Variants in MACROD2 observed in about 807,000 individuals in gnomAD.
MACROD2 encodes ADP-ribose glycohydrolase MACROD2.
MACROD2 carries 36 observed loss-of-function variants against 70.4 expected under a neutral mutation model. The observed-to-expected ratio is 0.51, with a 90% confidence interval of 0.39 to 0.68. MACROD2 has a LOEUF of 0.68. MACROD2 is among the 30% of genes least tolerant of loss of function. MACROD2 has a pLI of 0.00. For missense variants in MACROD2, 496 were observed against 538.4 expected, an observed-to-expected ratio of 0.92 and a Z score of 0.78; for synonymous variants, 172 against 178.8, an observed-to-expected ratio of 0.96 and a Z score of 0.30.
chr20:14,445,197 A>G (rs2084170203), intron 3 of MACROD2, among the ~76,000 whole-genome samples: 1 of 152,046 alleles, frequency 6.6e-6, no homozygotes, highest in South Asian at 2.1e-4. Context: ...CCCCAGCCAC[A>G]GCGGTCTTTC....
chr20:14,195,882 TC>T (rs1361095575), intron 3 of MACROD2, among the ~76,000 whole-genome samples: 2 of 152,162 alleles, frequency 1.3e-5, no homozygotes, highest in Admixed American at 1.3e-4. Flanking sequence ...ATCCGATTCT[TC>T]CAGGACACCA....
chr20:15,558,506 A>G (rs2048198624), intron 8 of MACROD2, among the ~76,000 whole-genome samples: 1 of 152,198 alleles, frequency 6.6e-6, no homozygotes, highest in Non-Finnish European at 1.5e-5. Context: ...CCTCTAAAAC[A>G]CTTGCCAAAG....
At chr20:16,005,929 C>A (rs908915725) in intron 15 of MACROD2, among the ~76,000 whole-genome samples, 16 of 152,168 alleles carry the variant, frequency 1.1e-4, no homozygotes, top group Non-Finnish European at 4.4e-5. Context: ...AGATTTTCAC[C>A]CTTTCAAAAG....
At chr20:15,544,178 A>C (rs1000520655) in intron 8 of MACROD2, among the ~76,000 whole-genome samples, 6 of 152,214 alleles carry the variant, frequency 3.9e-5, no homozygotes, top group African/African-American at 1.2e-4. Context: ...AGACTCTGGG[A>C]AACAGACTTT....
At chr20:15,218,904 G>A (rs550650740) in intron 5 of MACROD2, among the ~76,000 whole-genome samples, 2 of 152,276 alleles carry the variant, frequency 1.3e-5, no homozygotes, top group South Asian at 4.1e-4. Flanking sequence ...AAATTAGCCA[G>A]GCGTGGCGGC....
At chr20:14,464,940 G>C (rs1435307698) in intron 3 of MACROD2, among the ~76,000 whole-genome samples, 1 of 152,094 alleles carries the variant, frequency 6.6e-6, no homozygotes, top group Admixed American at 6.6e-5. Context: ...TTGCTGAGGA[G>C]AGCTTTACTT....
At chr20:15,869,105 T>G (rs191258090) in intron 9 of MACROD2, among the ~76,000 whole-genome samples, 1 of 151,094 alleles carries the variant, frequency 6.6e-6, no homozygotes, top group African/African-American at 2.4e-5. Context: ...ATCTCTTTAA[T>G]TTTTTAACCA....
intron 8 of MACROD2, among the ~76,000 whole-genome samples, chr20:15,572,801 A>G (rs1358255597): frequency 6.6e-6 from 1 of 152,136 alleles, no homozygotes; most frequent in Non-Finnish European, 1.5e-5. Flanking sequence ...TTTAGTCAGC[A>G]TATTATCAAA....
intron 3 of MACROD2, among the ~76,000 whole-genome samples, chr20:14,429,050 A>T (rs1312067747): frequency 6.6e-6 from 1 of 152,176 alleles, no homozygotes; most frequent in Non-Finnish European, 1.5e-5. Flanking sequence ...TTACTGCTTT[A>T]AAAACTAAAT....
chr20:15,143,396 T>C (rs2076206949), intron 5 of MACROD2, among the ~76,000 whole-genome samples: 1 of 152,220 alleles, frequency 6.6e-6, no homozygotes, highest in Non-Finnish European at 1.5e-5. Flanking sequence ...AAGTTCTTTG[T>C]AGATTCTGGA....
chr20:14,284,595 A>G (rs2082329854), intron 3 of MACROD2, among the ~76,000 whole-genome samples: 1 of 152,240 alleles, frequency 6.6e-6, no homozygotes, highest in African/African-American at 2.4e-5. Context: ...GGGTTGCCAG[A>G]TTAGATCTGA....
chr20:14,530,278 G>T (rs2085286368), intron 4 of MACROD2, among the ~76,000 whole-genome samples: 1 of 152,182 alleles, frequency 6.6e-6, no homozygotes, highest in Non-Finnish European at 1.5e-5. Flanking sequence ...AAAGTCCCAG[G>T]GAACTGATAA....
intron 5 of MACROD2, among the ~76,000 whole-genome samples, chr20:15,010,291 A>G (rs2075072641): frequency 6.6e-6 from 1 of 152,186 alleles, no homozygotes; most frequent in Non-Finnish European, 1.5e-5. Flanking sequence ...CCACTTAGGT[A>G]GTTACACATT....
intron 4 of MACROD2, among the ~76,000 whole-genome samples, chr20:14,663,062 G>A (rs1986302969): frequency 6.6e-6 from 1 of 151,928 alleles, no homozygotes; most frequent in African/African-American, 2.4e-5. Flanking sequence ...ATTCATAATA[G>A]CAAACACATG....
At chr20:14,673,206 G>A (rs1456077245) in intron 4 of MACROD2, among the ~76,000 whole-genome samples, 1 of 152,180 alleles carries the variant, frequency 6.6e-6, no homozygotes, top group Non-Finnish European at 1.5e-5. Context: ...GAGCGTGAGA[G>A]CAAGGCTTTA....
intron 3 of MACROD2, among the ~76,000 whole-genome samples, chr20:14,416,394 A>G (rs2083805533): frequency 6.6e-6 from 1 of 152,208 alleles, no homozygotes; most frequent in Admixed American, 6.5e-5. Context: ...TTAAGTCATT[A>G]GCTAAAACGT....
chr20:15,879,259 G>T (rs981042036), intron 9 of MACROD2, among the ~76,000 whole-genome samples: 1 of 152,110 alleles, frequency 6.6e-6, no homozygotes, highest in Non-Finnish European at 1.5e-5. Flanking sequence ...CTGTGCCCAT[G>T]CTTCATCAGT....
chr20:14,635,285 A>G (rs1000153463), intron 4 of MACROD2, among the ~76,000 whole-genome samples: 7 of 152,120 alleles, frequency 4.6e-5, no homozygotes, highest in Non-Finnish European at 8.8e-5. Flanking sequence ...CTTCTTCCCA[A>G]TGCTTTCACT....
chr20:14,810,818 C>T (rs768636463), intron 5 of MACROD2, among the ~76,000 whole-genome samples: 3 of 151,920 alleles, frequency 2.0e-5, no homozygotes, highest in Non-Finnish European at 2.9e-5. Flanking sequence ...AGCCAATTCA[C>T]GAGCAAACTC....
Sources: gnomAD v4.1 joint callset for allele counts (sites outside exome capture counted in the v4.1 genomes callset) on GRCh38, gnomAD v4.1.1 for gene constraint, MANE v1.5 for transcripts, NCBI Gene and HGNC (gene_info 2026-07-23, HGNC 2026-07-21) for gene names.